The following SCLY variants were observed in gnomAD, a reference collection of about 807,000 sequenced individuals.
SCLY encodes putative selenocysteine lyase.
A neutral mutation model predicts 50.1 loss-of-function variants in SCLY; 38 were observed. The ratio of observed to expected loss-of-function variants is 0.76; its 90% confidence interval spans 0.59 to 0.99. The LOEUF (loss-of-function observed/expected upper bound fraction) is 0.99, where lower values mean the gene tolerates loss of function less well. SCLY is among the 50% of genes least tolerant of loss of function. The probability of loss-of-function intolerance (pLI) is 0.00; values close to 1 mark genes in which losing one functional copy is unlikely to be tolerated. For missense variants in SCLY, 600 were observed against 620.0 expected (o/e 0.97, Z 0.34); for synonymous variants, 243 against 249.4 (o/e 0.97, Z 0.24).
At chr2:238,063,001 CATCTT>C (rs2065032433) in intron 1 of SCLY, among the ~76,000 whole-genome samples, 1 of 152,126 alleles carries the variant, frequency 6.6e-6, no homozygotes. Context: ...TTTATTTTGT[CATCTT>C]ATAAAAATCA....
At chr2:238,085,493 C>T (rs755872191) in intron 7 of SCLY, among the ~76,000 whole-genome samples, 5 of 150,478 alleles carry the variant, frequency 3.3e-5, no homozygotes, top group African/African-American at 4.9e-5. Context: ...CCGAGGTGAG[C>T]GGATCACAAG....
At chr2:238,076,696 C>T (rs1194501053) in intron 4 of SCLY, among the ~76,000 whole-genome samples, 2 of 138,716 alleles carry the variant, frequency 1.4e-5, no homozygotes, top group Admixed American at 1.5e-4. Context: ...GAGAAACACC[C>T]AAGAATTATC....
At chr2:238,098,003 C>T (rs547044261) in intron 11 of SCLY, among the ~76,000 whole-genome samples, 199 bp from the exon 12 acceptor site, 9 of 152,216 alleles carry the variant, frequency 5.9e-5, no homozygotes, top group East Asian at 1.9e-4. Flanking sequence ...AGAACGGGGG[C>T]GACTTTGAGC....
chr2:238,066,918 C>T lies in SCLY; in HGVS notation c.203-1147C>T, dbSNP rs1017516851. Among the ~76,000 whole-genome samples, 14 of 152,070 alleles carry T rather than the reference C, an allele frequency of 9.2e-5. No homozygotes were observed. The highest frequency in any genetic ancestry group is 9.7e-5 in the African/African-American group (4 of 41,404). On this transcript the variant is annotated intron_variant, in intron 2 of 11. Transcript: ENST00000254663. The surrounding 1 kb of genome is among the most constrained non-coding windows in gnomAD (Gnocchi z 4.1). ...TTACATGGCAGCAGAGAAGAGTGTG[C>T]GTGCAGGGGAGCTCCCCTTTATAAA...
At chr2:238,081,668 A>G in intron 4 of SCLY, 41 bp from the exon 5 acceptor site, 1 of 1,588,726 alleles carries the variant, frequency 6.3e-7, no homozygotes, top group Non-Finnish European at 8.6e-7. Context: ...GAGAGGAATC[A>G]ATTTGTGCAG....
chr2:238,072,221 A>G (rs557991195), intron 4 of SCLY, among the ~76,000 whole-genome samples: 99 of 152,098 alleles, frequency 6.5e-4, no homozygotes, highest in Non-Finnish European at 1.3e-3. Flanking sequence ...ACATGTATTT[A>G]ATTCATTTTC....
At position 238,098,858 on chromosome 2, in the gene SCLY, C is replaced by A; in HGVS notation, c.*503C>A. 1 of 254,486 alleles carries A rather than the reference C, an allele frequency of 3.9e-6. No individual in the cohort carries two copies. The highest frequency in any genetic ancestry group is 7.3e-6 in the Non-Finnish European group (1 of 136,414). 15.8% of individuals were successfully genotyped at this position (254,486 alleles called of 1,614,324 possible). ...CTTGATTTTTTTGTTTTGATCATGGCCTCTACATGCACCTTTCCAGAGTGG... is the reference window on the plus strand; with the variant it reads ...CTTGATTTTTTTGTTTTGATCATGGACTCTACATGCACCTTTCCAGAGTGG... On this transcript the variant is annotated 3_prime_UTR_variant, in exon 12 of 12. Coordinates refer to ENST00000254663, the MANE Select transcript of SCLY (RefSeq NM_016510.7).
In SCLY at chr2:238,093,907, T is replaced by A. The variant is rs1207846049; in HGVS notation, c.968T>A (p.Met323Lys). ...TQNCEAYEAH[M>K]RDVRDYLEER... is the part of the protein sequence containing the mutation. ...AACTGCGAGGCTTATGAGGCCCACA[T>A]GAGGGACGTCCGCGACTACCTGGAA... The change falls in exon 9 of 12, where the codon ATG becomes AAG. Residue 323 changes from methionine (M) to lysine (K), a missense_variant. Coordinates refer to ENST00000254663, the MANE Select transcript of SCLY (RefSeq NM_016510.7). 12 of 1,613,916 alleles carry A rather than the reference T, an allele frequency of 7.4e-6. No homozygotes were observed. The highest frequency in any genetic ancestry group is 1.0e-5 in the Non-Finnish European group (12 of 1,180,004).
In SCLY at chr2:238,098,621, G is replaced by GA. The variant is rs1553568619; in HGVS notation, c.*267dup. On this transcript the variant is annotated 3_prime_UTR_variant, in exon 12 of 12. Coordinates refer to ENST00000254663, the MANE Select transcript of SCLY (RefSeq NM_016510.7). ...CGCCCACATAGGACCGCCCACATGG[G>GA]ACCGCCCACATGGGACCGCCCACAT... 3,018 of 307,802 alleles carry GA rather than the reference G, an allele frequency of 9.8e-3. 128 individuals carry two copies. Among genetic ancestry groups the GA allele is most frequent in the Middle Eastern group, 0.032 (38 of 1,182 alleles). 19.1% of individuals were successfully genotyped at this position (307,802 alleles called of 1,614,324 possible).
rs1303215620 is a variant in SCLY at position 238,082,176 on chromosome 2, G to A, written c.744G>A (p.Leu248=). 1 of 1,611,312 alleles carries A rather than the reference G, an allele frequency of 6.2e-7. No individual in the cohort carries two copies. The highest frequency in any genetic ancestry group is 1.1e-5 in the South Asian group (1 of 90,964). ...LGKQRVDVED[L]GVDFLTIVGH... is the part of the protein sequence containing the mutation. ...AGCAGCGCGTGGATGTGGAGGACCT[G>A]GGCGTGGACTTCCTTACAATCGTGG... The change falls in exon 6 of 12, where the codon CTG becomes CTA. Residue 248 remains leucine (L), a synonymous_variant. Coordinates refer to ENST00000254663, the MANE Select transcript of SCLY (RefSeq NM_016510.7).
At chr2:238,072,343 G>A (rs2065135810) in intron 4 of SCLY, among the ~76,000 whole-genome samples, 1 of 152,184 alleles carries the variant, frequency 6.6e-6, no homozygotes, top group South Asian at 2.1e-4. Flanking sequence ...TGTGACATTT[G>A]TGCGTATGTT....
In SCLY at chr2:238,069,363, A is replaced by G; in HGVS notation, c.370A>G (p.Thr124Ala). Residue 124 changes from threonine to alanine, a missense_variant, in exon 4 of 12, where the codon ACA (threonine) becomes GCA (alanine). Thr to Ala is a moderately conservative substitution (Grantham distance 58). Coordinates refer to ENST00000254663, the MANE Select transcript of SCLY (RefSeq NM_016510.7). This position sits in a 1 kb window ranked among gnomAD's most constrained non-coding sequence, Gnocchi z 5.0. ...FHANQTSKGH[T>A]GGHHSPVKGA... ...CGCAAACCAGACCTCAAAGGGACACACAGGTGGGCACCACAGCCCAGTGAA... is the reference window on the plus strand; with the variant it reads ...CGCAAACCAGACCTCAAAGGGACACGCAGGTGGGCACCACAGCCCAGTGAA... The G allele has an allele frequency of 6.2e-7, 1 of 1,614,176 alleles. No individual in the cohort carries two copies. Among genetic ancestry groups the G allele is most frequent in the South Asian group, 1.1e-5 (1 of 91,070 alleles).
chr2:238,065,548 T>G (rs2065060108), intron 2 of SCLY, among the ~76,000 whole-genome samples: 1 of 152,056 alleles, frequency 6.6e-6, no homozygotes, highest in African/African-American at 2.4e-5. Flanking sequence ...TCAAAAGTGT[T>G]GCAGTTCACT....
Position 238,083,335 on chromosome 2 carries a change from GA to G in SCLY, c.867del (p.Glu289AspfsTer13), listed in dbSNP as rs754088298. The G allele has an allele frequency of 1.2e-6, 2 of 1,612,750 alleles. No homozygotes were observed. Among genetic ancestry groups the G allele is most frequent in the African/African-American group, 2.7e-5 (2 of 74,866 alleles). ...LYPMLFGGGQ[E>X]RNFRPGTENT... ...CCCTATGCTATTTGGAGGTGGACAA[GA>G]ACGGAATTTCAGGCCAGGGTAAGGC... On this transcript the variant is annotated frameshift_variant, in exon 7 of 12. Transcript: ENST00000254663. LOFTEE classifies it high-confidence loss of function. This position sits in a 1 kb window ranked among gnomAD's most constrained non-coding sequence, Gnocchi z 4.3.
intron 8 of SCLY, 92 bp from the exon 9 acceptor site, chr2:238,093,767 GTT>G: frequency 8.5e-7 from 1 of 1,178,406 alleles, no homozygotes; most frequent in East Asian, 2.5e-5. Flanking sequence ...AGAATGAGCA[GTT>G]TCAGGAAATG....
chr2:238,068,349 G>C, intron 3 of SCLY, 184 bp downstream of exon 3: 1 of 445,622 alleles, frequency 2.2e-6, no homozygotes, highest in Non-Finnish European at 3.9e-6. Flanking sequence ...AGGAGTTTGC[G>C]ACCTCCCTGA....
Position 238,068,074 on chromosome 2 carries a change from C to T in SCLY, c.212C>T (p.Ala71Val), listed in dbSNP as rs1202518432. Residue 71 changes from alanine (A) to valine (V), a missense_variant, in exon 3 of 12, where the codon GCC (alanine) becomes GTC (valine). By Grantham distance (64) the Ala-to-Val change is moderately conservative. Transcript: ENST00000254663. ...PSSPYSAGRK[A>V]KDIINAARES... ...TTTTTGGTCCCTCAAGGAAGAAAGG[C>T]CAAGGATATTATAAATGCAGCTCGG... 4 of 1,611,344 alleles carry T rather than the reference C, an allele frequency of 2.5e-6. No homozygotes were observed. Among genetic ancestry groups the T allele is most frequent in the Non-Finnish European group, 3.4e-6 (4 of 1,179,024 alleles).
intron 5 of SCLY, 41 bp downstream of exon 5, chr2:238,081,877 G>T (rs188017860): frequency 4.5e-5 from 73 of 1,605,174 alleles, no homozygotes; most frequent in Admixed American, 1.0e-4. Flanking sequence ...AGCTCATGGG[G>T]AAGAACAGCA....
chr2:238,070,687 A>T (rs978821295), intron 4 of SCLY, among the ~76,000 whole-genome samples: 3 of 152,126 alleles, frequency 2.0e-5, no homozygotes, highest in Non-Finnish European at 4.4e-5. Flanking sequence ...GGAAAAAAAA[A>T]TTTATAACAT....
Sources: gnomAD v4.1 joint callset for allele counts (sites outside exome capture counted in the v4.1 genomes callset) on GRCh38, gnomAD v4.1.1 for gene constraint, Gnocchi (gnomAD v3.1) non-coding constraint, MANE v1.5 for transcripts, NCBI Gene and HGNC (gene_info 2026-07-23, HGNC 2026-07-21) for gene names.